MYT1L: variants seen among roughly 807,000 people sequenced by gnomAD.
The protein encoded by MYT1L is myelin transcription factor 1 like, also known as myelin transcription factor 1-like protein.
MYT1L carries 12 observed loss-of-function variants against 126.7 expected under a neutral mutation model. That is an observed-to-expected ratio of 0.09 (90% confidence interval 0.06 to 0.15). MYT1L has a LOEUF of 0.15. Among genes scored for constraint, MYT1L ranks in the 10% least tolerant of loss-of-function variants. The pLI is 1.00. For missense variants in MYT1L, 979 were observed against 1,585.2 expected, an observed-to-expected ratio of 0.62 and a Z score of 6.49; for synonymous variants, 541 against 604.2, an observed-to-expected ratio of 0.90 and a Z score of 1.53.
chr2:2,243,451 A>G (rs2094475142), intron 2 of MYT1L, among the ~76,000 whole-genome samples: 1 of 152,250 alleles, frequency 6.6e-6, no homozygotes, highest in Non-Finnish European at 1.5e-5. Flanking sequence ...AAGGTTCCCC[A>G]ACAAAACAGG....
chr2:2,269,422 G>A (rs2095215018), intron 2 of MYT1L, among the ~76,000 whole-genome samples: 1 of 152,134 alleles, frequency 6.6e-6, no homozygotes, highest in Non-Finnish European at 1.5e-5. Flanking sequence ...ACAAAATGGG[G>A]GCACACTTGC....
chr2:1,835,833 G>A (rs2040809238), intron 21 of MYT1L, among the ~76,000 whole-genome samples: 1 of 152,162 alleles, frequency 6.6e-6, no homozygotes, highest in Non-Finnish European at 1.5e-5. Flanking sequence ...GTGTAGCTCA[G>A]CCAGCCCATG....
At chr2:2,292,491 C>T (rs1182245609) in intron 1 of MYT1L, among the ~76,000 whole-genome samples, 4 of 152,174 alleles carry the variant, frequency 2.6e-5, no homozygotes, top group South Asian at 2.1e-4. Flanking sequence ...CTCCATATTG[C>T]CCTCAGCAGT....
intron 18 of MYT1L, among the ~76,000 whole-genome samples, chr2:1,882,640 A>G (rs935078833): frequency 1.3e-5 from 2 of 152,212 alleles, no homozygotes; most frequent in Non-Finnish European, 1.5e-5. Context: ...GTAAACTGTG[A>G]AAGCAAAAGA....
At chr2:2,111,400 A>G (rs2079439229) in intron 3 of MYT1L, among the ~76,000 whole-genome samples, 1 of 152,192 alleles carries the variant, frequency 6.6e-6, no homozygotes, top group Middle Eastern at 3.2e-3. Context: ...GATGGACGAG[A>G]GGGAAGTGGT....
intron 3 of MYT1L, among the ~76,000 whole-genome samples, chr2:2,086,749 C>T (rs985697247): frequency 6.6e-6 from 1 of 152,124 alleles, no homozygotes; most frequent in African/African-American, 2.4e-5. Flanking sequence ...GGCTTGTTTA[C>T]GTAGTTTCTT....
At chr2:2,302,681 C>A (rs924734764) in intron 1 of MYT1L, among the ~76,000 whole-genome samples, 4 of 152,124 alleles carry the variant, frequency 2.6e-5, no homozygotes, top group Non-Finnish European at 5.9e-5. Flanking sequence ...AAAGTGGAAA[C>A]CTGATCAAAT....
chr2:2,189,134 C>T (rs547833544), intron 2 of MYT1L, among the ~76,000 whole-genome samples: 2 of 152,338 alleles, frequency 1.3e-5, no homozygotes, highest in South Asian at 4.1e-4. Context: ...AATGAAATTG[C>T]ATCATACTAT....
At chr2:2,103,624 C>CT in intron 3 of MYT1L, among the ~76,000 whole-genome samples, 1 of 145,288 alleles carries the variant, frequency 6.9e-6, no homozygotes, top group African/African-American at 2.8e-5. Flanking sequence ...ATGGCACCCA[C>CT]GTGCAGAGGT....
At chr2:1,902,813 C>G (rs1055936823) in intron 14 of MYT1L, 5 of 470,100 alleles carry the variant, frequency 1.1e-5, no homozygotes, top group African/African-American at 2.0e-5. Context: ...TAGCTTCTCC[C>G]TCTCCACATT....
rs1170531355 is a variant in MYT1L, at chr2:1,887,295, C to T, written c.2642+193G>A. ...GTTAAATGAAAATGACGCCCCCATC[C>T]GACAGAGCGTCACTGGGAACAGGCA... On this transcript the variant is annotated intron_variant, in intron 17 of 24. Coordinates refer to ENST00000647738, the MANE Select transcript of MYT1L (RefSeq NM_001303052.2). The surrounding 1 kb of genome is among the most constrained non-coding windows in gnomAD (Gnocchi z 4.8). 3.9e-5 allele frequency among the ~76,000 whole-genome samples: 6 copies of T among 152,174 alleles called. No homozygotes were observed. The highest frequency in any genetic ancestry group is 4.1e-4 in the South Asian group (2 of 4,834).
chr2:1,831,405 C>A (rs2040167966), intron 21 of MYT1L, among the ~76,000 whole-genome samples: 1 of 152,192 alleles, frequency 6.6e-6, no homozygotes, highest in Admixed American at 6.5e-5. Flanking sequence ...TCCAGACCCA[C>A]ATTTCTCTCT....
intron 3 of MYT1L, among the ~76,000 whole-genome samples, chr2:2,079,014 A>G (rs548493260): frequency 6.6e-6 from 1 of 152,302 alleles, no homozygotes; most frequent in Non-Finnish European, 1.5e-5. Context: ...TCCACCATGT[A>G]AGGATGCAGT....
chr2:1,874,856 C>G (rs1325684056), intron 18 of MYT1L, among the ~76,000 whole-genome samples: 1 of 152,126 alleles, frequency 6.6e-6, no homozygotes, highest in South Asian at 2.1e-4. Flanking sequence ...TTCAGGCTCG[C>G]GTGAACTTCT....
chr2:2,138,135 A>G (rs2083332451), intron 3 of MYT1L, among the ~76,000 whole-genome samples: 1 of 152,234 alleles, frequency 6.6e-6, no homozygotes, highest in South Asian at 2.1e-4. Context: ...CAAAACCACA[A>G]TGAGATAGAT....
intron 1 of MYT1L, among the ~76,000 whole-genome samples, chr2:2,315,200 T>C (rs898616991): frequency 6.6e-6 from 1 of 152,172 alleles, no homozygotes; most frequent in Non-Finnish European, 1.5e-5. Flanking sequence ...TCTGGTTATG[T>C]CTTGGGTCCT....
chr2:2,195,768 G>A (rs547855610), intron 2 of MYT1L, among the ~76,000 whole-genome samples: 1 of 152,242 alleles, frequency 6.6e-6, no homozygotes, highest in East Asian at 1.9e-4. Context: ...TAGGATCTCA[G>A]TTGATGAGAT....
chr2:2,217,711 AAAAAAAAAG>A lies in MYT1L; in HGVS notation c.-420-44732_-420-44724del, dbSNP rs1559367355. On this transcript the variant is annotated intron_variant, in intron 2 of 24. Transcript: ENST00000647738. ...AACAACAACAACAACAACAACAAAA[AAAAAAAAAG>A]AAAGAAGGAAAAAGAAAAGAAAGAA... 7.7e-4 allele frequency among the ~76,000 whole-genome samples: 111 copies of A among 145,086 alleles called. 3 individuals carry two copies. The highest frequency in any genetic ancestry group is 2.7e-3 in the African/African-American group (104 of 38,462).
chr2:2,139,162 T>C (rs2148137257), intron 3 of MYT1L, among the ~76,000 whole-genome samples: 1 of 151,558 alleles, frequency 6.6e-6, no homozygotes, highest in East Asian at 2.0e-4. Flanking sequence ...ATGGAACAAG[T>C]GCATGGCGTC....
Sources: allele counts gnomAD v4.1 joint callset (sites outside exome capture counted in the v4.1 genomes callset), GRCh38; gene constraint gnomAD v4.1.1; non-coding constraint Gnocchi (gnomAD v3.1); transcripts MANE v1.5; gene names NCBI Gene and HGNC (gene_info 2026-07-23, HGNC 2026-07-21).